ACVR1B: variants seen among roughly 807,000 people sequenced by gnomAD.
ACVR1B encodes activin receptor type-1B.
A neutral mutation model predicts 55.6 loss-of-function variants in ACVR1B; 15 were observed. That is an observed-to-expected ratio of 0.27 (90% CI 0.18 to 0.42). The LOEUF is 0.42. ACVR1B is among the 10% of genes least tolerant of loss of function. The pLI, the probability that ACVR1B is intolerant of heterozygous loss-of-function variation, is 1.00. For missense variants in ACVR1B, 359 were observed against 670.1 expected (o/e 0.54, Z 5.13); for synonymous variants, 247 against 254.6 (o/e 0.97, Z 0.28).
At chr12:51,961,384 A>C (rs1941524010) in intron 1 of ACVR1B, among the ~76,000 whole-genome samples, 1 of 152,184 alleles carries the variant, frequency 6.6e-6, no homozygotes, top group African/African-American at 2.4e-5. Flanking sequence ...TGTTATTATA[A>C]TCTTGTATAT....
Position 51,976,365 on chromosome 12 carries a change from C to A in ACVR1B, c.370C>A (p.Pro124Thr). The A allele has an allele frequency of 6.2e-7, 1 of 1,614,158 alleles. No homozygotes were observed. The highest frequency in any genetic ancestry group is 8.5e-7 in the Non-Finnish European group (1 of 1,180,032). The stretch of plus-strand genomic sequence containing the variant: ...GCCTGAGCACCCGTCCATGTGGGGC[C>A]CGGTGGAGCTGGTAGGCATCATCGC... ...KEPEHPSMWGPVELVGIIAGP... is the reference protein window; with the variant it reads ...KEPEHPSMWGTVELVGIIAGP... The change falls in exon 3 of 9, where the codon CCG (proline) becomes ACG (threonine). Residue 124 changes from proline to threonine, a missense_variant. Physicochemically the swap from Pro to Thr is conservative, Grantham distance 38. Around this residue, in one of 5 missense-constraint regions of ACVR1B, gnomAD observed 133 missense variants for 188.2 expected, o/e 0.71. Coordinates refer to ENST00000257963, the MANE Select transcript of ACVR1B (RefSeq NM_004302.5).
At chr12:51,989,945 A>G (rs1337910323) in intron 7 of ACVR1B, among the ~76,000 whole-genome samples, 1 of 152,080 alleles carries the variant, frequency 6.6e-6, no homozygotes, top group South Asian at 2.1e-4. Flanking sequence ...AGATCGTGCC[A>G]CTGCACTCCA....
intron 1 of ACVR1B, among the ~76,000 whole-genome samples, chr12:51,967,325 G>A (rs190194650): frequency 1.2e-4 from 18 of 152,210 alleles, no homozygotes; most frequent in Non-Finnish European, 1.8e-4. Context: ...TTGGGAGGCC[G>A]AGGCTGGTGG....
intron 7 of ACVR1B, among the ~76,000 whole-genome samples, chr12:51,988,743 G>C (rs946401965): frequency 1.3e-5 from 2 of 152,128 alleles, no homozygotes; most frequent in African/African-American, 4.8e-5. Flanking sequence ...AGTAAACAAG[G>C]GTTCAGACTC....
chr12:51,960,968 A>G (rs962871428), intron 1 of ACVR1B, among the ~76,000 whole-genome samples: 5 of 142,558 alleles, frequency 3.5e-5, no homozygotes, highest in Admixed American at 2.5e-4. Context: ...CGAACTGTCA[A>G]TTTACTCTGA....
chr12:51,980,568 A>T (rs1941959071), intron 3 of ACVR1B, among the ~76,000 whole-genome samples: 1 of 152,176 alleles, frequency 6.6e-6, no homozygotes, highest in South Asian at 2.1e-4. Flanking sequence ...ATGAGCCCAC[A>T]CTTTCATGTT....
At chr12:51,953,594 TAAA>T (rs11404836) in intron 1 of ACVR1B, 5,480 of 735,600 alleles carry the variant, frequency 7.4e-3, no homozygotes, top group Middle Eastern at 8.5e-3. Flanking sequence ...TACTGGGTAG[TAAA>T]AAAAAAAAAA....
At chr12:51,963,490 G>A (rs544020359) in intron 1 of ACVR1B, among the ~76,000 whole-genome samples, 18 of 152,232 alleles carry the variant, frequency 1.2e-4, no homozygotes, top group South Asian at 2.1e-4. Context: ...CACCCACCTC[G>A]GCCTCCCAAA....
chr12:51,959,319 C>T (rs1332809002), intron 1 of ACVR1B, among the ~76,000 whole-genome samples: 1 of 152,208 alleles, frequency 6.6e-6, no homozygotes, highest in African/African-American at 2.4e-5. Context: ...GATGTTCCAG[C>T]TGGCTTGGAA....
In ACVR1B at chr12:51,996,042, C is replaced by T. The variant is rs966008074; in HGVS notation, c.*1932C>T. Reference sequence around the variant, plus strand: ...AAGTAAGTAGATGCCTGTTTTGAGACCAGAAGGTTTCATAATTGGTTCTAC... The same window carrying T: ...AAGTAAGTAGATGCCTGTTTTGAGATCAGAAGGTTTCATAATTGGTTCTAC... On this transcript the variant is annotated 3_prime_UTR_variant, in exon 9 of 9. Coordinates refer to ENST00000257963, the MANE Select transcript of ACVR1B (RefSeq NM_004302.5). The T allele has an allele frequency of 6.6e-6, 1 of 152,182 alleles. No individual in the cohort carries two copies. The highest frequency in any genetic ancestry group is 1.5e-5 in the Non-Finnish European group (1 of 68,020). The allele number at this position is 152,182 out of a possible 1,614,324, so 9.4% of individuals were successfully genotyped here.
Position 51,985,209 on chromosome 12 carries a change from C to G in ACVR1B, c.997C>G (p.His333Asp), listed in dbSNP as rs1942054389. 1 of 1,611,136 alleles carries G rather than the reference C, an allele frequency of 6.2e-7. No homozygotes were observed. Among genetic ancestry groups the G allele is most frequent in the Non-Finnish European group, 8.5e-7 (1 of 1,178,876 alleles). The change falls in exon 6 of 9, where the codon CAT becomes GAT. Residue 333 changes from histidine to aspartate, a missense_variant. His to Asp is a moderately conservative substitution (Grantham distance 81, BLOSUM62 -1). Coordinates refer to ENST00000257963, the MANE Select transcript of ACVR1B (RefSeq NM_004302.5). ...TCTGCCAGGGAAGCCTGGAATTGCT[C>G]ATCGAGACTTAAAGTCAAAGAACAT... The part of the protein sequence containing the change: ...VGTQGKPGIA[H>D]RDLKSKNILV...
chr12:51,983,931 C>T (rs1942029546), intron 4 of ACVR1B, 68 bp from the exon 5 acceptor site: 8 of 1,557,130 alleles, frequency 5.1e-6, no homozygotes, highest in Non-Finnish European at 7.1e-6. Flanking sequence ...ATACACTCAT[C>T]CTTACCAACC....
chr12:51,982,203 G>C (rs544299358), intron 4 of ACVR1B, among the ~76,000 whole-genome samples: 1 of 152,208 alleles, frequency 6.6e-6, no homozygotes, highest in Non-Finnish European at 1.5e-5. Flanking sequence ...TGGTCAGGAA[G>C]AAAAATCTTC....
In ACVR1B at chr12:51,985,186, TGCCAG is replaced by T; in HGVS notation, c.980-4_980del. On this transcript the variant is annotated splice_acceptor_variant and splice_polypyrimidine_tract_variant and intron_variant, in intron 5 of 8. Coordinates refer to ENST00000257963, the MANE Select transcript of ACVR1B (RefSeq NM_004302.5). LOFTEE classifies it high-confidence loss of function. ...TTGTAAAGATCCCTGTTTTTTTCTC[TGCCAG>T]GGAAGCCTGGAATTGCTCATCGAGA... 1 of 1,604,478 alleles carries T rather than the reference TGCCAG, an allele frequency of 6.2e-7. No homozygotes were observed. Among genetic ancestry groups the T allele is most frequent in the African/African-American group, 1.3e-5 (1 of 74,458 alleles).
At chr12:51,971,152 G>T (rs777476938) in intron 1 of ACVR1B, among the ~76,000 whole-genome samples, 1 of 152,126 alleles carries the variant, frequency 6.6e-6, no homozygotes, top group Non-Finnish European at 1.5e-5. Flanking sequence ...TGTGTTAGGC[G>T]CCTCTATAAC....
rs578233444 is a variant in ACVR1B, at chr12:51,971,382, A to G, written c.92-3883A>G. On this transcript the variant is annotated intron_variant, in intron 1 of 8. Transcript: ENST00000257963. ...TGCAAGTAGGGCTTTTGTTCTGACC[A>G]CTTCCTAACTTGTTTATGTGTAGAG... Among the ~76,000 whole-genome samples the G allele has an allele frequency of 3.3e-5, 5 of 152,296 alleles. No individual in the cohort carries two copies. In the South Asian group the frequency reaches 1.0e-3, roughly 32 times the overall value.
chr12:51,967,266 T>G (rs1443804827), intron 1 of ACVR1B, among the ~76,000 whole-genome samples: 1 of 142,072 alleles, frequency 7.0e-6, no homozygotes, highest in Non-Finnish European at 1.5e-5. Context: ...AACAAACAAA[T>G]AAAAACATTA....
At chr12:51,973,276 C>T (rs1941781889) in intron 1 of ACVR1B, among the ~76,000 whole-genome samples, 1 of 152,166 alleles carries the variant, frequency 6.6e-6, no homozygotes, top group Admixed American at 6.5e-5. Flanking sequence ...TCAGAATAGT[C>T]CTCTCTTGAA....
intron 1 of ACVR1B, among the ~76,000 whole-genome samples, chr12:51,971,356 A>G (rs1431658576): frequency 1.3e-5 from 2 of 152,234 alleles, no homozygotes; most frequent in Admixed American, 6.5e-5. Flanking sequence ...ACAAAAGTCT[A>G]TGCAAGTAGG....
Sources: allele counts gnomAD v4.1 joint callset (sites outside exome capture counted in the v4.1 genomes callset), GRCh38; gene constraint gnomAD v4.1.1; regional missense constraint gnomAD v4.1.1; transcripts MANE v1.5; gene names NCBI Gene and HGNC (gene_info 2026-07-23, HGNC 2026-07-21).